ITPR1: variants seen among roughly 807,000 people sequenced by gnomAD.
ITPR1 encodes inositol 1,4,5-trisphosphate receptor type 1.
Under a neutral mutation model 318.4 loss-of-function variants are expected in ITPR1, and 96 were observed. The ratio of observed to expected loss-of-function variants is 0.30; its 90% confidence interval spans 0.26 to 0.36. The LOEUF is 0.36. ITPR1 is among the 10% of genes least tolerant of loss of function. The probability of loss-of-function intolerance (pLI) is 1.00; values close to 1 mark genes in which losing one functional copy is unlikely to be tolerated. For synonymous variants in ITPR1, 1,312 were observed against 1,289.9 expected (o/e 1.02, Z -0.37); for missense variants, 2,440 against 3,460.2 (o/e 0.71, Z 7.40).
Position 4,766,551 on chromosome 3 carries a change from A to G in ITPR1, c.5566A>G (p.Thr1856Ala). 6.2e-7 allele frequency: 1 copy of G among 1,613,766 alleles called. No homozygotes were observed. Among genetic ancestry groups the G allele is most frequent in the Non-Finnish European group, 8.5e-7 (1 of 1,179,736 alleles). ...TIQHSFFCRL[T>A]EDKKSEKFFK... Reference sequence around the variant, plus strand: ...GCAGCACTCCTTTTTCTGTCGCTTGACAGAAGATAAGAAGTCAGAGAAATT... The same window carrying G: ...GCAGCACTCCTTTTTCTGTCGCTTGGCAGAAGATAAGAAGTCAGAGAAATT... Residue 1856 changes from threonine (T) to alanine (A), a missense_variant, in exon 45 of 62, where the codon ACA becomes GCA. By Grantham distance (58) the Thr-to-Ala change is moderately conservative. This residue lies in a region of ITPR1 where 80 missense variants were observed against 122.0 expected (regional missense o/e 0.66). Transcript: ENST00000649015.
chr3:4,794,312 C>T (rs1559908207), intron 52 of ITPR1, among the ~76,000 whole-genome samples: 2 of 152,170 alleles, frequency 1.3e-5, no homozygotes, highest in South Asian at 4.1e-4. Flanking sequence ...AAGGTGGCAG[C>T]AATGTCCAAA....
chr3:4,667,591 T>C, intron 18 of ITPR1, 42 bp downstream of exon 18: 2 of 1,566,536 alleles, frequency 1.3e-6, no homozygotes, highest in Non-Finnish European at 1.7e-6. Flanking sequence ...TGTCTCTGCC[T>C]GTAAGATGCA....
At chr3:4,497,644 C>A (rs1026146237) in intron 2 of ITPR1, among the ~76,000 whole-genome samples, 2 of 152,136 alleles carry the variant, frequency 1.3e-5, no homozygotes, top group Non-Finnish European at 2.9e-5. Flanking sequence ...TGGAAAACAG[C>A]ATGGCAGTTA....
intron 4 of ITPR1, among the ~76,000 whole-genome samples, chr3:4,545,032 G>A (rs2084833226): frequency 6.6e-6 from 1 of 152,072 alleles, no homozygotes; most frequent in Non-Finnish European, 1.5e-5. Context: ...CTGGGCTCTA[G>A]CAATCCTTCC....
Position 4,693,736 on chromosome 3 carries a change from C to T in ITPR1, c.4276C>T (p.Pro1426Ser), listed in dbSNP as rs1253611534. 6.2e-7 allele frequency: 1 copy of T among 1,610,630 alleles called. No individual in the cohort carries two copies. Among genetic ancestry groups the T allele is most frequent in the Non-Finnish European group, 8.5e-7 (1 of 1,177,656 alleles). ...VRVVTHEDCI[P>S]EVKIAYINFL... ...CGTGGTGACCCACGAGGACTGCATC[C>T]CTGAGGTGAGCGAGCCCAGCCTGGC... Residue 1426 changes from proline (P) to serine (S), a missense_variant, in exon 33 of 62, where the codon CCT becomes TCT. This residue lies in a region of ITPR1 where 222 missense variants were observed against 318.8 expected (regional missense o/e 0.70). Transcript: ENST00000649015.
intron 4 of ITPR1, among the ~76,000 whole-genome samples, chr3:4,616,692 AT>A (rs1346872276): frequency 6.6e-6 from 1 of 152,202 alleles, no homozygotes; most frequent in African/African-American, 2.4e-5. Context: ...AGAAGGGACT[AT>A]GTTTAATTGC....
chr3:4,657,901 G>A (rs890424172), intron 12 of ITPR1, among the ~76,000 whole-genome samples: 2 of 152,274 alleles, frequency 1.3e-5, no homozygotes, highest in Non-Finnish European at 2.9e-5. Context: ...CACCGTGCCC[G>A]GCTGGAACAT....
chr3:4,774,989 A>C (rs2046399600), intron 46 of ITPR1, among the ~76,000 whole-genome samples: 1 of 152,188 alleles, frequency 6.6e-6, no homozygotes, highest in South Asian at 2.1e-4. Flanking sequence ...AGATTATAGG[A>C]GTCAACTGCA....
In ITPR1 at chr3:4,496,067, A is replaced by G. The variant is rs527427047; in HGVS notation, c.-17+1561A>G. Among the ~76,000 whole-genome samples the G allele has an allele frequency of 5.9e-5, 9 of 152,360 alleles. No homozygotes were observed. The South Asian group carries it at 1.9e-3, about 32-fold the overall frequency. On this transcript the variant is annotated intron_variant, in intron 2 of 61. Coordinates refer to ENST00000649015, the MANE Select transcript of ITPR1 (RefSeq NM_001378452.1). Reference sequence around the variant, plus strand: ...CTGAATGGGGAGAGTAAAAAGAAACAAAACCACAAGGAACATTATGTAAGT... The same window carrying G: ...CTGAATGGGGAGAGTAAAAAGAAACGAAACCACAAGGAACATTATGTAAGT...
intron 52 of ITPR1, among the ~76,000 whole-genome samples, chr3:4,788,807 A>ATC (rs1180413716): frequency 6.6e-6 from 1 of 152,210 alleles, no homozygotes; most frequent in Non-Finnish European, 1.5e-5. Flanking sequence ...ACCAACTTAA[A>ATC]AAGGATCGTG....
At chr3:4,837,957 G>C (rs983980777) in intron 61 of ITPR1, among the ~76,000 whole-genome samples, 12 of 152,160 alleles carry the variant, frequency 7.9e-5, no homozygotes, top group African/African-American at 2.9e-4. Context: ...GGCCATGTCT[G>C]CACTGGAGGT....
At chr3:4,622,083 C>T (rs1399501490) in intron 4 of ITPR1, among the ~76,000 whole-genome samples, 2 of 151,674 alleles carry the variant, frequency 1.3e-5, no homozygotes, top group African/African-American at 4.9e-5. Flanking sequence ...TTTTCAGCAT[C>T]CAGTCTTGTA....
At chr3:4,817,227 T>C (rs1221186163) in intron 59 of ITPR1, among the ~76,000 whole-genome samples, 1 of 152,196 alleles carries the variant, frequency 6.6e-6, no homozygotes, top group South Asian at 2.1e-4. Flanking sequence ...CCCGGTTCTT[T>C]TTACTGGAGA....
chr3:4,598,157 T>C (rs1350239110), intron 4 of ITPR1, among the ~76,000 whole-genome samples: 2 of 152,204 alleles, frequency 1.3e-5, no homozygotes, highest in African/African-American at 4.8e-5. Flanking sequence ...TGTACCATCC[T>C]TCCCCTCTCC....
chr3:4,702,032 T>G (rs2094664720), intron 35 of ITPR1, among the ~76,000 whole-genome samples: 1 of 152,188 alleles, frequency 6.6e-6, no homozygotes, highest in Non-Finnish European at 1.5e-5. Flanking sequence ...AAAGACCAGT[T>G]GAATAGCGCA....
chr3:4,797,271 C>T (rs2047961153), intron 53 of ITPR1, among the ~76,000 whole-genome samples: 1 of 151,916 alleles, frequency 6.6e-6, no homozygotes, highest in African/African-American at 2.4e-5. Flanking sequence ...AGGGCATTTC[C>T]TATACTCACT....
At chr3:4,649,573 C>T (rs1326671873) in intron 10 of ITPR1, among the ~76,000 whole-genome samples, 2 of 152,162 alleles carry the variant, frequency 1.3e-5, no homozygotes, top group East Asian at 1.9e-4. Flanking sequence ...TGTAGATTTG[C>T]CAGTGCTGAA....
intron 40 of ITPR1, among the ~76,000 whole-genome samples, chr3:4,725,134 T>A (rs1447542086): frequency 6.6e-6 from 1 of 151,638 alleles, no homozygotes; most frequent in African/African-American, 2.4e-5. Context: ...GGGCCCCTGC[T>A]TTCATCACTA....
At chr3:4,769,432 A>G (rs1361366166) in intron 46 of ITPR1, among the ~76,000 whole-genome samples, 1 of 152,220 alleles carries the variant, frequency 6.6e-6, no homozygotes, top group Non-Finnish European at 1.5e-5. Flanking sequence ...CTAGATAATT[A>G]AATATATTAG....
Sources: allele counts gnomAD v4.1 joint callset (sites outside exome capture counted in the v4.1 genomes callset), GRCh38; gene constraint gnomAD v4.1.1; regional missense constraint gnomAD v4.1.1; transcripts MANE v1.5; gene names NCBI Gene and HGNC (gene_info 2026-07-23, HGNC 2026-07-21).